Variants in GPR157 observed in about 807,000 individuals in gnomAD.
GPR157 encodes the protein G-protein coupled receptor 157.
A neutral mutation model predicts 23.5 loss-of-function variants in GPR157; 16 were observed. The observed-to-expected ratio is 0.68, with a 90% CI of 0.46 to 1.04. The LOEUF (loss-of-function observed/expected upper bound fraction) is 1.04. GPR157 is among the 50% of genes least tolerant of loss of function. The pLI, the probability that GPR157 is intolerant of heterozygous loss-of-function variation, is 0.00. For missense variants in GPR157, 440 were observed against 460.7 expected, an observed-to-expected ratio of 0.96 and a Z score of 0.41; for synonymous variants, 200 against 221.5, an observed-to-expected ratio of 0.90 and a Z score of 0.86.
intron 2 of GPR157, among the ~76,000 whole-genome samples, chr1:9,107,233 G>A (rs1204047273): frequency 2.6e-5 from 4 of 152,282 alleles, no homozygotes; most frequent in Non-Finnish European, 4.4e-5. Context: ...ACGTGAGCTC[G>A]AGCCAGACTT....
intron 1 of GPR157, among the ~76,000 whole-genome samples, chr1:9,113,216 G>A (rs1172814058): frequency 6.6e-6 from 1 of 152,162 alleles, no homozygotes; most frequent in Non-Finnish European, 1.5e-5. Context: ...GGGCCCGTCT[G>A]GTTTCTGTCC....
intron 1 of GPR157, among the ~76,000 whole-genome samples, chr1:9,125,259 C>T (rs865873191): frequency 1.3e-4 from 20 of 151,908 alleles, no homozygotes; most frequent in African/African-American, 4.4e-4. Context: ...TCTGTCACTC[C>T]GGCTGGAATG....
intron 1 of GPR157, among the ~76,000 whole-genome samples, chr1:9,122,425 G>A (rs947727228): frequency 6.6e-6 from 1 of 152,168 alleles, no homozygotes; most frequent in African/African-American, 2.4e-5. Flanking sequence ...AGCTGGAGAC[G>A]TGATAGGCTT....
At position 9,128,837 on chromosome 1, in the gene GPR157, T is replaced by C. The variant is rs541477538; in HGVS notation, c.191A>G (p.Tyr64Cys). Residue 64 changes from tyrosine (Y) to cysteine (C), a missense_variant, in exon 1 of 4, where the codon TAC becomes TGC. Transcript: ENST00000377411. The surrounding 1 kb of genome is among the most constrained non-coding windows in gnomAD (Gnocchi z 6.3). ...GAAGTTCTGCAGCACTCCGTAGAAG[T>C]AGGAGGCGGCCGAGAGCAGGTCGGC... ...SLADLLSAAS[Y>C]FYGVLQNFAG... 1 of 1,603,916 alleles carries C rather than the reference T, an allele frequency of 6.2e-7. No individual in the cohort carries two copies. Among genetic ancestry groups the C allele is most frequent in the South Asian group, 1.1e-5 (1 of 89,888 alleles).
chr1:9,123,465 A>AATTTAAATACATATTAAAATATAT (rs1362520609), intron 1 of GPR157, among the ~76,000 whole-genome samples: 7 of 120,600 alleles, frequency 5.8e-5, no homozygotes, highest in African/African-American at 2.4e-4. Flanking sequence ...ATATATATTT[A>AATTTAAATACATATTAAAATATAT]ATTTAAATAT....
At chr1:9,124,863 G>T (rs950625819) in intron 1 of GPR157, among the ~76,000 whole-genome samples, 1 of 152,136 alleles carries the variant, frequency 6.6e-6, no homozygotes, top group Non-Finnish European at 1.5e-5. Context: ...GCATACAGAT[G>T]TTATGTTAAA....
In GPR157 at chr1:9,103,379, G is replaced by C. The variant is rs2124503329; in HGVS notation, c.*1040C>G. On this transcript the variant is annotated 3_prime_UTR_variant, in exon 4 of 4. Coordinates refer to ENST00000377411, the MANE Select transcript of GPR157 (RefSeq NM_024980.5). ...GGGTTTCACCATGTTGGCCAGGCTG[G>C]TCTTGAACTCCTGACCTCAGGTGAT... is the stretch of plus-strand genomic sequence containing the variant. 5 of 152,334 alleles carry C rather than the reference G, an allele frequency of 3.3e-5. No individual in the cohort carries two copies. In the South Asian group the frequency reaches 1.0e-3, roughly 32 times the overall value. The allele number at this position is 152,334 out of a possible 1,614,324, so 9.4% of individuals were successfully genotyped here.
chr1:9,128,829 CGTAGAA>C lies in GPR157; in HGVS notation c.193_198del (p.Phe65_Tyr66del). The C allele has an allele frequency of 6.2e-7, 1 of 1,607,760 alleles. No individual in the cohort carries two copies. Among genetic ancestry groups the C allele is most frequent in the South Asian group, 1.1e-5 (1 of 90,378 alleles). Reference sequence around the variant, plus strand: ...GGGCCCGCGAAGTTCTGCAGCACTCCGTAGAAGTAGGAGGCGGCCGAGAGCAGGTCG... The same window carrying C: ...GGGCCCGCGAAGTTCTGCAGCACTCCGTAGGAGGCGGCCGAGAGCAGGTCG... On this transcript the variant is annotated inframe_deletion, in exon 1 of 4. Transcript: ENST00000377411. This position sits in a 1 kb window ranked among gnomAD's most constrained non-coding sequence, Gnocchi z 6.3.
chr1:9,128,785 C>A lies in GPR157; in HGVS notation c.243G>T (p.Leu81=). Residue 81 remains leucine, a synonymous_variant, in exon 1 of 4, where the codon CTG becomes CTT. Coordinates refer to ENST00000377411, the MANE Select transcript of GPR157 (RefSeq NM_024980.5). This position sits in a 1 kb window ranked among gnomAD's most constrained non-coding sequence, Gnocchi z 6.3. ...TGGCGAAGGTGGACAGCGCGCCCTG[C>A]AGCACGCAGTCCCACGACGGGCCCG... ...NFAGPSWDCV[L]QGALSTFANT... 4 of 1,611,624 alleles carry A rather than the reference C, an allele frequency of 2.5e-6. No homozygotes were observed. Among genetic ancestry groups the A allele is most frequent in the Non-Finnish European group, 3.4e-6 (4 of 1,178,804 alleles).
rs147122688 is a variant in GPR157 at position 9,105,543 on chromosome 1, G to A, written c.735C>T (p.Phe245=). ...CCGGGGAGCCACAGAGGGTCAGCACGAACCGCACGGTGCTCCAGACCCTGA... is the reference window on the plus strand; with the variant it reads ...CCGGGGAGCCACAGAGGGTCAGCACAAACCGCACGGTGCTCCAGACCCTGA... ...IGLRVWSTVR[F]VLTLCGSPAV... The change falls in exon 3 of 4, where the codon TTC becomes TTT. Residue 245 remains phenylalanine, a synonymous_variant. Coordinates refer to ENST00000377411, the MANE Select transcript of GPR157 (RefSeq NM_024980.5). The surrounding 1 kb of genome is among the most constrained non-coding windows in gnomAD (Gnocchi z 4.8). 101 of 1,597,500 alleles carry A rather than the reference G, an allele frequency of 6.3e-5. No individual in the cohort carries two copies. In the African/African-American group the frequency reaches 8.8e-4, roughly 14 times the overall value.
rs1638262723 is a variant in GPR157, at chr1:9,105,188, T to C, written c.792+298A>G. ...CTGGGATGACCTTGGCAATGGGCCT[T>C]CAGCAGGGCTCCAGGTCTTCTTGGC... is the stretch of plus-strand genomic sequence containing the variant. On this transcript the variant is annotated intron_variant, in intron 3 of 3. Transcript: ENST00000377411. This position sits in a 1 kb window ranked among gnomAD's most constrained non-coding sequence, Gnocchi z 4.8. Among the ~76,000 whole-genome samples, 2 of 152,048 alleles carry C rather than the reference T, an allele frequency of 1.3e-5. No individual in the cohort carries two copies. The highest frequency in any genetic ancestry group is 4.8e-5 in the African/African-American group (2 of 41,412).
intron 1 of GPR157, among the ~76,000 whole-genome samples, chr1:9,114,978 G>A (rs971017050): frequency 1.3e-5 from 2 of 151,878 alleles, no homozygotes; most frequent in African/African-American, 4.8e-5. Context: ...ACAGGGAGGG[G>A]TTGTTTGAAC....
In GPR157 at chr1:9,102,476, A is replaced by G. The variant is rs1003938235; in HGVS notation, c.*1943T>C. On this transcript the variant is annotated 3_prime_UTR_variant, in exon 4 of 4. Coordinates refer to ENST00000377411, the MANE Select transcript of GPR157 (RefSeq NM_024980.5). ...CCATTTTCACAGGAAACCAAAAATGAGCATTTTGGACTCAGTCTGCTAAAT... is the reference window on the plus strand; with the variant it reads ...CCATTTTCACAGGAAACCAAAAATGGGCATTTTGGACTCAGTCTGCTAAAT... 2.6e-5 allele frequency: 4 copies of G among 151,740 alleles called. No homozygotes were observed. Among genetic ancestry groups the G allele is most frequent in the Non-Finnish European group, 4.4e-5 (3 of 67,948 alleles). The allele number at this position is 151,740 out of a possible 1,614,324, so 9.4% of individuals were successfully genotyped here.
chr1:9,123,948 C>T (rs1165670592), intron 1 of GPR157, among the ~76,000 whole-genome samples: 1 of 151,272 alleles, frequency 6.6e-6, no homozygotes, highest in Non-Finnish European at 1.5e-5. Context: ...CTCATCTCAG[C>T]CTCCTGAGGA....
At chr1:9,123,691 T>A (rs1473221601) in intron 1 of GPR157, among the ~76,000 whole-genome samples, 3 of 115,486 alleles carry the variant, frequency 2.6e-5, no homozygotes, top group South Asian at 2.3e-4. Context: ...ATATATTTAA[T>A]ATATATTTAA....
In GPR157 at chr1:9,120,749, C is replaced by G. The variant is rs933891796; in HGVS notation, c.383+7896G>C. ...AGCCCTCAGCTCAGGGATGGGCAGCCTGAGTTCTCACACCTCCTGCCAAGT... is the reference window on the plus strand; with the variant it reads ...AGCCCTCAGCTCAGGGATGGGCAGCGTGAGTTCTCACACCTCCTGCCAAGT... On this transcript the variant is annotated intron_variant, in intron 1 of 3. Coordinates refer to ENST00000377411, the MANE Select transcript of GPR157 (RefSeq NM_024980.5). The surrounding 1 kb of genome is among the most constrained non-coding windows in gnomAD (Gnocchi z 4.1). 6.6e-6 allele frequency among the ~76,000 whole-genome samples: 1 copy of G among 152,228 alleles called. No homozygotes were observed. The highest frequency in any genetic ancestry group is 2.4e-5 in the African/African-American group (1 of 41,452).
At chr1:9,117,039 T>A (rs1638696881) in intron 1 of GPR157, among the ~76,000 whole-genome samples, 1 of 151,990 alleles carries the variant, frequency 6.6e-6, no homozygotes. Context: ...CCATGCCCAG[T>A]CTATTATTTT....
chr1:9,117,933 A>C (rs1638721176), intron 1 of GPR157, among the ~76,000 whole-genome samples: 1 of 152,246 alleles, frequency 6.6e-6, no homozygotes, highest in Non-Finnish European at 1.5e-5. Context: ...CACATATGAA[A>C]AAGACCAAGG....
In GPR157 at chr1:9,104,365, G is replaced by A. The variant is rs1642608212; in HGVS notation, c.*54C>T. 1 of 1,347,958 alleles carries A rather than the reference G, an allele frequency of 7.4e-7. No individual in the cohort carries two copies. The highest frequency in any genetic ancestry group is 1.4e-5 in the African/African-American group (1 of 68,994). 83.5% of individuals were successfully genotyped at this position (1,347,958 alleles called of 1,614,324 possible). ...GCCCCTGCAGCAGGGACTCACAGAAGTGCCTACCCCCAGGAAGGCAGCACC... is the reference window on the plus strand; with the variant it reads ...GCCCCTGCAGCAGGGACTCACAGAAATGCCTACCCCCAGGAAGGCAGCACC... On this transcript the variant is annotated 3_prime_UTR_variant, in exon 4 of 4. Coordinates refer to ENST00000377411, the MANE Select transcript of GPR157 (RefSeq NM_024980.5).
Sources: allele counts gnomAD v4.1 joint callset (sites outside exome capture counted in the v4.1 genomes callset), GRCh38; gene constraint gnomAD v4.1.1; non-coding constraint Gnocchi (gnomAD v3.1); transcripts MANE v1.5; gene names NCBI Gene and HGNC (gene_info 2026-07-23, HGNC 2026-07-21).